Variants in RASGEF1A observed in about 807,000 individuals in gnomAD.
RASGEF1A encodes the protein ras-GEF domain-containing family member 1A.
A neutral mutation model predicts 56.4 loss-of-function variants in RASGEF1A; 18 were observed. The ratio of observed to expected loss-of-function variants is 0.32; its 90% CI spans 0.22 to 0.47. The LOEUF is 0.47. Ranked by LOEUF, RASGEF1A falls within the 20% of genes least tolerant of loss-of-function variation. The pLI is 1.00. For missense variants in RASGEF1A, 422 were observed against 627.1 expected, an observed-to-expected ratio of 0.67 and a Z score of 3.49; for synonymous variants, 245 against 242.6, an observed-to-expected ratio of 1.01 and a Z score of -0.09.
intron 1 of RASGEF1A, among the ~76,000 whole-genome samples, chr10:43,227,942 A>G (rs1289505549): frequency 6.6e-6 from 1 of 151,968 alleles, no homozygotes; most frequent in African/African-American, 2.4e-5. Flanking sequence ...CTTCTCTGCC[A>G]TCTCCCAAGG....
chr10:43,264,762 C>A (rs1172804838), intron 1 of RASGEF1A, among the ~76,000 whole-genome samples: 3 of 151,986 alleles, frequency 2.0e-5, no homozygotes, highest in African/African-American at 7.2e-5. Context: ...AGCAGCCCAG[C>A]GCCCCTCCCC....
chr10:43,202,579 C>T, intron 3 of RASGEF1A: 1 of 462,424 alleles, frequency 2.2e-6, no homozygotes, highest in Non-Finnish European at 4.4e-6. Flanking sequence ...GGCCAAGCCC[C>T]TCCTGCGCCA....
At chr10:43,201,688 T>G (rs1839900964) in intron 4 of RASGEF1A, 120 bp downstream of exon 4, 2 of 1,138,852 alleles carry the variant, frequency 1.8e-6, no homozygotes, top group African/African-American at 3.1e-5. Flanking sequence ...CCAGCAACCC[T>G]CCTGGGGGAG....
In RASGEF1A at chr10:43,242,201, A is replaced by C. The variant is rs79676247; in HGVS notation, c.-7+24644T>G. Reference sequence around the variant, plus strand: ...AGACATTCCAAGCAAAAAGTAATCAAAAGAGAGCCAGAATGGCTATATTAA... The same window carrying C: ...AGACATTCCAAGCAAAAAGTAATCACAAGAGAGCCAGAATGGCTATATTAA... On this transcript the variant is annotated intron_variant, in intron 1 of 12. Transcript: ENST00000395810. 1.9e-4 allele frequency among the ~76,000 whole-genome samples: 29 copies of C among 152,334 alleles called. 1 individual carries two copies. The East Asian group carries it at 5.6e-3, about 29-fold the overall frequency.
intron 1 of RASGEF1A, among the ~76,000 whole-genome samples, chr10:43,258,435 C>T (rs1836464992): frequency 6.6e-6 from 1 of 152,216 alleles, no homozygotes; most frequent in Non-Finnish European, 1.5e-5. Context: ...GCCACCTGCC[C>T]TCCTCTTTCA....
intron 2 of RASGEF1A, among the ~76,000 whole-genome samples, chr10:43,205,550 G>A (rs143540071): frequency 6.9e-4 from 105 of 152,186 alleles, no homozygotes; most frequent in African/African-American, 2.4e-3. Flanking sequence ...GCGTGCCCTC[G>A]CCAGGACCCC....
At chr10:43,200,949 TG>T (rs1374787126) in intron 4 of RASGEF1A, 61 bp from the exon 5 acceptor site, 16 of 1,474,686 alleles carry the variant, frequency 1.1e-5, no homozygotes, top group Non-Finnish European at 1.4e-5. Context: ...ACCACCACTG[TG>T]GGTAGGATCC....
intron 1 of RASGEF1A, among the ~76,000 whole-genome samples, chr10:43,230,475 C>A (rs559990894): frequency 6.6e-6 from 1 of 152,286 alleles, no homozygotes; most frequent in African/African-American, 2.4e-5. Context: ...TCAGATGATG[C>A]GGACGGGAAA....
chr10:43,197,982 C>T, intron 10 of RASGEF1A, 22 bp downstream of exon 10: 1 of 1,586,300 alleles, frequency 6.3e-7, no homozygotes, highest in Non-Finnish European at 8.6e-7. Flanking sequence ...GCCTGGCCTG[C>T]CCTGTGCTGG....
At chr10:43,243,690 G>T (rs1306885440) in intron 1 of RASGEF1A, among the ~76,000 whole-genome samples, 1 of 147,840 alleles carries the variant, frequency 6.8e-6, no homozygotes, top group Admixed American at 6.7e-5. Context: ...TGGGAGGTGG[G>T]GAGCACCTCT....
intron 1 of RASGEF1A, among the ~76,000 whole-genome samples, chr10:43,222,248 T>A (rs1840218250): frequency 6.6e-6 from 1 of 152,232 alleles, no homozygotes; most frequent in Non-Finnish European, 1.5e-5. Flanking sequence ...ATGTGGTGCA[T>A]GACGCTGTCT....
intron 1 of RASGEF1A, among the ~76,000 whole-genome samples, chr10:43,254,964 C>T (rs1479131151): frequency 2.6e-5 from 4 of 152,142 alleles, no homozygotes; most frequent in Non-Finnish European, 5.9e-5. Context: ...ACTCCTGACA[C>T]ACTCGGCTGG....
At chr10:43,228,615 T>G (rs1194715626) in intron 1 of RASGEF1A, among the ~76,000 whole-genome samples, 1 of 152,202 alleles carries the variant, frequency 6.6e-6, no homozygotes, top group Non-Finnish European at 1.5e-5. Context: ...GCTGAGGGAC[T>G]TGGGGGCTGC....
intron 3 of RASGEF1A, 59 bp from the exon 4 acceptor site, chr10:43,202,004 C>G (rs1839907894): frequency 3.4e-6 from 5 of 1,490,466 alleles, no homozygotes; most frequent in Admixed American, 2.1e-5. Flanking sequence ...TACTAGATGG[C>G]AAATGGTGCA....
In RASGEF1A at chr10:43,244,954, A is replaced by G. The variant is rs138529585; in HGVS notation, c.-7+21891T>C. Among the ~76,000 whole-genome samples the G allele has an allele frequency of 5.0e-3, 760 of 152,246 alleles. 4 individuals carry two copies. The highest frequency in any genetic ancestry group is 0.017 in the African/African-American group (709 of 41,570). ...AAATTAACAAATAACAGAAGAAGAA[A>G]ATACTAGAGTGAAAGTAAATGAAAT... On this transcript the variant is annotated intron_variant, in intron 1 of 12. Coordinates refer to ENST00000395810, the MANE Select transcript of RASGEF1A (RefSeq NM_145313.4).
At chr10:43,253,465 T>C (rs1044492044) in intron 1 of RASGEF1A, among the ~76,000 whole-genome samples, 1 of 152,256 alleles carries the variant, frequency 6.6e-6, no homozygotes, top group Non-Finnish European at 1.5e-5. Flanking sequence ...TTAAGGCTGC[T>C]GGGAGATTCT....
At position 43,201,807 on chromosome 10, in the gene RASGEF1A, C is replaced by A; in HGVS notation, c.459+1G>T. 1 of 1,590,626 alleles carries A rather than the reference C, an allele frequency of 6.3e-7. No homozygotes were observed. Among genetic ancestry groups the A allele is most frequent in the Non-Finnish European group, 8.6e-7 (1 of 1,163,412 alleles). On this transcript the variant is annotated splice_donor_variant, in intron 4 of 12. Coordinates refer to ENST00000395810, the MANE Select transcript of RASGEF1A (RefSeq NM_145313.4). LOFTEE classifies it high-confidence loss of function. ...CTGGCCAGAGCCCAGGGAGCACTCA[C>A]CTCATCACACTGGGTGACACGGTGT...
At chr10:43,254,482 G>T (rs1027557330) in intron 1 of RASGEF1A, among the ~76,000 whole-genome samples, 2 of 152,216 alleles carry the variant, frequency 1.3e-5, no homozygotes, top group Admixed American at 6.5e-5. Context: ...TGCTGGTCCT[G>T]CCTGCCCTCT....
chr10:43,261,683 G>A (rs2133232283), intron 1 of RASGEF1A, among the ~76,000 whole-genome samples: 1 of 152,236 alleles, frequency 6.6e-6, no homozygotes, highest in South Asian at 2.1e-4. Context: ...AGCTCTGAGG[G>A]CAGAGGCTTG....
Sources: gnomAD v4.1 joint callset for allele counts (sites outside exome capture counted in the v4.1 genomes callset) on GRCh38, gnomAD v4.1.1 for gene constraint, MANE v1.5 for transcripts, NCBI Gene and HGNC (gene_info 2026-07-23, HGNC 2026-07-21) for gene names.